The following LAIR2 variants were observed in gnomAD, a reference collection of about 807,000 sequenced individuals.
LAIR2 encodes the protein leukocyte-associated immunoglobulin-like receptor 2.
Under a neutral mutation model 14.8 loss-of-function variants are expected in LAIR2, and 14 were observed. The observed-to-expected ratio is 0.95, with a 90% CI of 0.62 to 1.48. The LOEUF is 1.48. Among genes scored for constraint, LAIR2 ranks in the 40% most tolerant of loss-of-function variants. The pLI, the probability that LAIR2 is intolerant of heterozygous loss-of-function variation, is 0.00. For missense variants in LAIR2, 172 were observed against 180.9 expected (o/e 0.95, Z 0.28); for synonymous variants, 75 against 74.5 (o/e 1.01, Z -0.03).
intron 2 of LAIR2, among the ~76,000 whole-genome samples, chr19:54,506,514 C>T (rs545212001): frequency 1.3e-4 from 20 of 152,136 alleles, no homozygotes; most frequent in Non-Finnish European, 2.4e-4. Context: ...AGAGAGCTTC[C>T]CCTGACTTTG....
intron 1 of LAIR2, among the ~76,000 whole-genome samples, chr19:54,503,430 C>T (rs778102873): frequency 2.7e-5 from 4 of 148,060 alleles, no homozygotes; most frequent in Non-Finnish European, 4.5e-5. Context: ...TGCACTCTAG[C>T]GTGGGCGACA....
chr19:54,510,451 G>T, intron 4 of LAIR2, 75 bp from the exon 5 acceptor site: 1 of 1,241,892 alleles, frequency 8.1e-7, no homozygotes. Flanking sequence ...ACACGGCGCT[G>T]ACATCAGTGC....
chr19:54,506,200 CGTT>C (rs1270309366), intron 2 of LAIR2, among the ~76,000 whole-genome samples: 4 of 151,952 alleles, frequency 2.6e-5, no homozygotes, highest in African/African-American at 9.7e-5. Context: ...TCCAATATGA[CGTT>C]GTGGACTCTG....
rs764280939 is a variant in LAIR2 at position 54,502,942 on chromosome 19, C to T, written c.24C>T (p.Leu8=). 7 of 1,613,850 alleles carry T rather than the reference C, an allele frequency of 4.3e-6. No homozygotes were observed. The highest frequency in any genetic ancestry group is 5.9e-6 in the Non-Finnish European group (7 of 1,179,880). Residue 8 remains leucine, a synonymous_variant, in exon 1 of 5, where the codon CTC becomes CTT. Coordinates refer to ENST00000301202, the MANE Select transcript of LAIR2 (RefSeq NM_002288.6). MSPHLTA[L]LGLVLCLAQT... ...CCATGTCTCCACACCTCACTGCTCT[C>T]CTGGGCCTAGGTGAGTCCTGGAGGG...
At position 54,508,055 on chromosome 19, in the gene LAIR2, C is replaced by A. The variant is rs761099133; in HGVS notation, c.235C>A (p.Pro79Thr). The change falls in exon 3 of 5, where the codon CCA (proline) becomes ACA (threonine). Residue 79 changes from proline to threonine, a missense_variant. Around this residue, in one of 2 missense-constraint regions of LAIR2, gnomAD observed 161 missense variants for 149.0 expected, o/e 1.08. Coordinates refer to ENST00000301202, the MANE Select transcript of LAIR2 (RefSeq NM_002288.6). ...KDSYNVFRLG[P>T]SESEARFHID... ...TAGTTATAATGTGTTTCGACTTGGT[C>A]CATCTGAGTCAGAGGCCAGATTCCA... is the stretch of plus-strand genomic sequence containing the variant. 4.3e-6 allele frequency: 7 copies of A among 1,614,002 alleles called. No individual in the cohort carries two copies. The highest frequency in any genetic ancestry group is 1.7e-5 in the Admixed American group (1 of 59,988).
rs774125747 is a variant in LAIR2 at position 54,503,746 on chromosome 19, C to T, written c.70+11C>T. ...TCCACACGCAGGAGGGTAAGTCATG[C>T]CTTCGTCCCGTCTTCCCAGTCCCCT... On this transcript the variant is annotated intron_variant, in intron 2 of 4. Transcript: ENST00000301202. The T allele has an allele frequency of 7.4e-6, 12 of 1,613,946 alleles. No individual in the cohort carries two copies. The highest frequency in any genetic ancestry group is 1.3e-5 in the African/African-American group (1 of 74,878).
chr19:54,505,248 C>T (rs553908458), intron 2 of LAIR2, among the ~76,000 whole-genome samples: 1 of 152,260 alleles, frequency 6.6e-6, no homozygotes, highest in Admixed American at 6.5e-5. Flanking sequence ...TTTCCCCAGA[C>T]GAGCCCACAC....
chr19:54,508,638 A>C (rs2085412527), intron 3 of LAIR2, among the ~76,000 whole-genome samples: 1 of 152,248 alleles, frequency 6.6e-6, no homozygotes, highest in Non-Finnish European at 1.5e-5. Context: ...CACAGGGTCC[A>C]GGGATGGCCC....
At chr19:54,503,877 A>G in intron 2 of LAIR2, 142 bp downstream of exon 2, 3 of 1,036,680 alleles carry the variant, frequency 2.9e-6, no homozygotes, top group Non-Finnish European at 4.4e-6. Flanking sequence ...CAAATGTAAA[A>G]TGCATAACCC....
At chr19:54,508,237 T>C (rs1266255084) in intron 3 of LAIR2, 53 bp downstream of exon 3, 13 of 1,552,836 alleles carry the variant, frequency 8.4e-6, no homozygotes, top group Middle Eastern at 2.4e-4. Context: ...CTCGAGCTTG[T>C]CCCGAGGTCC....
chr19:54,503,176 G>A (rs1397908816), intron 1 of LAIR2, among the ~76,000 whole-genome samples: 1 of 152,036 alleles, frequency 6.6e-6, no homozygotes, highest in Non-Finnish European at 1.5e-5. Flanking sequence ...AAGAAGGGCT[G>A]GGGGGCCAGG....
chr19:54,503,834 C>T lies in LAIR2; in HGVS notation c.70+99C>T, dbSNP rs551358494. The T allele has an allele frequency of 4.1e-6, 6 of 1,478,596 alleles. No individual in the cohort carries two copies. The South Asian group carries it at 5.7e-5, about 14-fold the overall frequency. The allele number at this position is 1,478,596 out of a possible 1,614,324, so 91.6% of individuals were successfully genotyped here. ...TGATTCTTAGAGGGCCTGGAGAGAT[C>T]CCTTTAAATATACCCTAGATTGCAA... On this transcript the variant is annotated intron_variant, in intron 2 of 4. Transcript: ENST00000301202.
rs747973612 is a variant in LAIR2, at chr19:54,507,873, T to G, written c.71-18T>G. The G allele has an allele frequency of 7.5e-6, 12 of 1,607,906 alleles. No homozygotes were observed. The Admixed American group carries it at 1.5e-4, about 20-fold the overall frequency. ...TTCCTACAGTGGACGCTGAGATCCTTCTTTGCTTCCCTCTTAGGGGCCCTT... is the reference window on the plus strand; with the variant it reads ...TTCCTACAGTGGACGCTGAGATCCTGCTTTGCTTCCCTCTTAGGGGCCCTT... On this transcript the variant is annotated intron_variant, in intron 2 of 4. Transcript: ENST00000301202.
chr19:54,503,592 C>T (rs1019913657), intron 1 of LAIR2, 108 bp from the exon 2 acceptor site: 58 of 1,367,812 alleles, frequency 4.2e-5, no homozygotes, highest in Non-Finnish European at 5.3e-5. Flanking sequence ...TTGGCTTGGT[C>T]GTTATGAAAT....
At chr19:54,504,024 C>A (rs944828949) in intron 2 of LAIR2, among the ~76,000 whole-genome samples, 2 of 152,082 alleles carry the variant, frequency 1.3e-5, no homozygotes, top group African/African-American at 4.8e-5. Context: ...GTGGCATAAT[C>A]TCGGCTCACT....
At position 54,510,593 on chromosome 19, in the gene LAIR2, T is replaced by G; in HGVS notation, c.*24T>G. The G allele has an allele frequency of 6.2e-7, 1 of 1,613,566 alleles. No homozygotes were observed. The highest frequency in any genetic ancestry group is 8.5e-7 in the Non-Finnish European group (1 of 1,179,460). ...GAATGAGGAGAAATGGCCTCCCGTC[T>G]TGTGAACTTCAATGGGGAGAAATAA... On this transcript the variant is annotated 3_prime_UTR_variant, in exon 5 of 5. Coordinates refer to ENST00000301202, the MANE Select transcript of LAIR2 (RefSeq NM_002288.6).
Position 54,508,238 on chromosome 19 carries a change from C to G in LAIR2, c.364+54C>G, listed in dbSNP as rs1191464563. 10 of 1,553,610 alleles carry G rather than the reference C, an allele frequency of 6.4e-6. No homozygotes were observed. The Admixed American group carries it at 1.8e-4, about 27-fold the overall frequency. ...GTCTCAGCTCGACCCTCGAGCTTGTCCCGAGGTCCCTGGTCCCTGTCCCGG... is the reference window on the plus strand; with the variant it reads ...GTCTCAGCTCGACCCTCGAGCTTGTGCCGAGGTCCCTGGTCCCTGTCCCGG... On this transcript the variant is annotated intron_variant, in intron 3 of 4. Coordinates refer to ENST00000301202, the MANE Select transcript of LAIR2 (RefSeq NM_002288.6).
intron 1 of LAIR2, 51 bp from the exon 2 acceptor site, chr19:54,503,649 T>C (rs567665915): frequency 2.5e-4 from 397 of 1,610,680 alleles, no homozygotes; most frequent in Middle Eastern, 8.3e-4. Flanking sequence ...ACAGCAGCCC[T>C]GTAAGGAGAC....
chr19:54,509,638 A>G (rs1386538851), intron 4 of LAIR2, among the ~76,000 whole-genome samples: 2 of 144,054 alleles, frequency 1.4e-5, no homozygotes, highest in East Asian at 4.1e-4. Flanking sequence ...TGAACGGTGG[A>G]GTAAGGTCCC....
Sources: allele counts gnomAD v4.1 joint callset (sites outside exome capture counted in the v4.1 genomes callset), GRCh38; gene constraint gnomAD v4.1.1; regional missense constraint gnomAD v4.1.1; transcripts MANE v1.5; gene names NCBI Gene and HGNC (gene_info 2026-07-23, HGNC 2026-07-21).